The following OTOGL variants were observed in gnomAD, a reference collection of about 807,000 sequenced individuals.
The protein encoded by OTOGL is otogelin-like protein.
In OTOGL, 285 loss-of-function variants were observed where a neutral mutation model predicts 318.5. The observed-to-expected ratio is 0.89, with a 90% confidence interval of 0.81 to 0.99. OTOGL has a LOEUF of 0.99. OTOGL is among the 50% of genes least tolerant of loss of function. The pLI is 0.00. For synonymous variants in OTOGL, 987 were observed against 936.5 expected, an observed-to-expected ratio of 1.05 and a Z score of -0.99; for missense variants, 2,899 against 2,845.6, an observed-to-expected ratio of 1.02 and a Z score of -0.43.
At chr12:80,192,008 C>A (rs185576238) in intron 1 of OTOGL, among the ~76,000 whole-genome samples, 1 of 152,166 alleles carries the variant, frequency 6.6e-6, no homozygotes, top group Non-Finnish European at 1.5e-5. Flanking sequence ...TTAGAAGAAT[C>A]GTATTTTCAT....
At chr12:80,165,572 G>A (rs1410147056) in intron 1 of OTOGL, among the ~76,000 whole-genome samples, 1 of 152,172 alleles carries the variant, frequency 6.6e-6, no homozygotes, top group Non-Finnish European at 1.5e-5. Flanking sequence ...AGGATCAACT[G>A]AGCTCTGTTT....
chr12:80,212,104 A>G, intron 4 of OTOGL, 107 bp downstream of exon 4: 2 of 1,168,154 alleles, frequency 1.7e-6, no homozygotes, highest in Non-Finnish European at 2.4e-6. Flanking sequence ...ATAAAATGCT[A>G]AGAACAAGAC....
At chr12:80,330,682 A>G (rs1349639687) in intron 37 of OTOGL, among the ~76,000 whole-genome samples, 1 of 152,244 alleles carries the variant, frequency 6.6e-6, no homozygotes, top group Non-Finnish European at 1.5e-5. Flanking sequence ...AGATAAAAAA[A>G]TAAAGCTATT....
chr12:80,352,166 A>G (rs2138000547), intron 44 of OTOGL, 129 bp from the exon 45 acceptor site: 1 of 810,854 alleles, frequency 1.2e-6, no homozygotes, highest in Non-Finnish European at 1.8e-6. Context: ...TTGAAAATGT[A>G]AAGTCTATGA....
At chr12:80,239,533 C>A in intron 11 of OTOGL, 94 bp downstream of exon 11, 4 of 851,784 alleles carry the variant, frequency 4.7e-6, no homozygotes, top group South Asian at 2.3e-5. Context: ...CAGCTGTTCA[C>A]AAAATATTAT....
At chr12:80,111,557 T>C (rs1869839150) in intron 1 of OTOGL, among the ~76,000 whole-genome samples, 4 of 152,204 alleles carry the variant, frequency 2.6e-5, no homozygotes, top group Admixed American at 2.6e-4. Context: ...CAGATGGATG[T>C]AGATGTGTGG....
At chr12:80,196,564 G>C (rs370341504) in intron 1 of OTOGL, among the ~76,000 whole-genome samples, 6 of 152,266 alleles carry the variant, frequency 3.9e-5, no homozygotes, top group Admixed American at 6.5e-5. Flanking sequence ...GGTTTCACTT[G>C]TTCTTGTCTG....
At chr12:80,341,670 CT>C (rs1338536457) in intron 43 of OTOGL, among the ~76,000 whole-genome samples, 1 of 152,074 alleles carries the variant, frequency 6.6e-6, no homozygotes, top group Non-Finnish European at 1.5e-5. Context: ...GAATTAATGT[CT>C]TCTTTCTTAA....
chr12:80,178,506 T>C (rs1874694990), intron 1 of OTOGL, among the ~76,000 whole-genome samples: 1 of 152,192 alleles, frequency 6.6e-6, no homozygotes, highest in Non-Finnish European at 1.5e-5. Flanking sequence ...TTTAGTACTT[T>C]TCCATATAAA....
intron 6 of OTOGL, among the ~76,000 whole-genome samples, chr12:80,221,813 T>G (rs1878369192): frequency 6.6e-6 from 1 of 152,194 alleles, no homozygotes. Context: ...TTTTCCATAC[T>G]CCTTTTTTTC....
chr12:80,324,177 A>C (rs115076987), intron 35 of OTOGL, among the ~76,000 whole-genome samples: 1,675 of 152,340 alleles, frequency 0.011, 32 homozygotes, highest in African/African-American at 0.038. Flanking sequence ...ACAGAGAAAA[A>C]TAAAGGAAGG....
intron 1 of OTOGL, among the ~76,000 whole-genome samples, chr12:80,154,312 G>T (rs956437034): frequency 6.6e-6 from 1 of 151,224 alleles, no homozygotes; most frequent in Admixed American, 6.6e-5. Context: ...CAGTTAAAAA[G>T]GGGGGGAAAA....
In OTOGL at chr12:80,100,716, G is replaced by A. The variant is rs1418819096; in HGVS notation, c.-20+1111G>A. Among the ~76,000 whole-genome samples, 6 of 152,168 alleles carry A rather than the reference G, an allele frequency of 3.9e-5. No homozygotes were observed. The East Asian group carries it at 1.2e-3, about 29-fold the overall frequency. ...TCTTTCAAGCTGGTATTGGGGGTGG[G>A]AGACATTATTACAACTCCAGAATGT... On this transcript the variant is annotated intron_variant, in intron 1 of 58. Transcript: ENST00000547103.
chr12:80,207,075 GCTTA>G (rs1208487533), intron 1 of OTOGL, among the ~76,000 whole-genome samples: 2 of 137,998 alleles, frequency 1.4e-5, no homozygotes, highest in Non-Finnish European at 3.2e-5. Context: ...TTACATTGCT[GCTTA>G]CTAACTTTTT....
intron 26 of OTOGL, among the ~76,000 whole-genome samples, chr12:80,282,074 A>T (rs1260486840): frequency 6.6e-6 from 1 of 152,028 alleles, no homozygotes; most frequent in African/African-American, 2.4e-5. Context: ...TCTTACATTG[A>T]ATGCATTTGA....
chr12:80,178,475 T>C (rs1874692829), intron 1 of OTOGL, among the ~76,000 whole-genome samples: 1 of 152,188 alleles, frequency 6.6e-6, no homozygotes, highest in Non-Finnish European at 1.5e-5. Context: ...CTTTTGCAGA[T>C]CTTTCTGTAG....
chr12:80,296,691 CTT>C (rs1401821010), intron 26 of OTOGL, 134 bp from the exon 27 acceptor site: 3 of 573,648 alleles, frequency 5.2e-6, no homozygotes, highest in South Asian at 6.8e-5. Context: ...TTAAAAATGA[CTT>C]TTTATTTTAG....
chr12:80,279,187 T>G, intron 26 of OTOGL, 21 bp downstream of exon 26: 1 of 1,567,124 alleles, frequency 6.4e-7, no homozygotes, highest in Non-Finnish European at 8.6e-7. Context: ...GTTACACATT[T>G]TTATTTGCAT....
intron 1 of OTOGL, among the ~76,000 whole-genome samples, chr12:80,147,179 C>T (rs1872441203): frequency 1.3e-5 from 2 of 151,568 alleles, no homozygotes; most frequent in South Asian, 4.2e-4. Context: ...CCTGCTTTCT[C>T]CTGTGGGCAT....
Sources: allele counts gnomAD v4.1 joint callset (sites outside exome capture counted in the v4.1 genomes callset), GRCh38; gene constraint gnomAD v4.1.1; transcripts MANE v1.5; gene names NCBI Gene and HGNC (gene_info 2026-07-23, HGNC 2026-07-21).